MRPL10: variants seen among roughly 807,000 people sequenced by gnomAD.
MRPL10 encodes large ribosomal subunit protein uL10m.
MRPL10 carries 14 observed loss-of-function variants against 19.8 expected under a neutral mutation model. The observed-to-expected ratio is 0.71, with a 90% CI of 0.47 to 1.11. The LOEUF is 1.11. MRPL10 is among the 50% of genes least tolerant of loss of function. The pLI is 0.00. For missense variants in MRPL10, 318 were observed against 339.6 expected, an observed-to-expected ratio of 0.94 and a Z score of 0.50; for synonymous variants, 129 against 139.2, an observed-to-expected ratio of 0.93 and a Z score of 0.52.
rs1429817340 is a variant in MRPL10, at chr17:47,827,310, C to G, written c.223-106G>C. 3 of 949,222 alleles carry G rather than the reference C, an allele frequency of 3.2e-6. No homozygotes were observed. In the African/African-American group the frequency reaches 4.9e-5, roughly 16 times the overall value. 58.8% of individuals were successfully genotyped at this position (949,222 alleles called of 1,614,324 possible). On this transcript the variant is annotated intron_variant, in intron 2 of 4. Transcript: ENST00000351111. ...GGGCTTCCAGTGATGTCCAGATGTG[C>G]AAAAGATCGGGGAACAAGTAGGATA...
At chr17:47,827,002 G>T in intron 3 of MRPL10, 38 bp downstream of exon 3, 10 of 1,577,338 alleles carry the variant, frequency 6.3e-6, no homozygotes, top group Middle Eastern at 1.7e-4. Context: ...GGGGTGGGGG[G>T]AAGATGGGCA....
At chr17:47,829,544 G>C (rs1457912292) in intron 1 of MRPL10, 1 of 152,138 alleles carries the variant, frequency 6.6e-6, no homozygotes, top group Non-Finnish European at 1.5e-5. Flanking sequence ...TGGCTCTCAA[G>C]GTATGCCCCA....
intron 1 of MRPL10, 166 bp downstream of exon 1, chr17:47,831,294 G>T (rs1567951962): frequency 6.6e-7 from 1 of 1,521,280 alleles, no homozygotes; most frequent in East Asian, 2.5e-5. Context: ...ACATCTGGAC[G>T]TTGTTGCTGT....
At chr17:47,825,793 TA>T (rs2033522869) in intron 4 of MRPL10, among the ~76,000 whole-genome samples, 1 of 152,186 alleles carries the variant, frequency 6.6e-6, no homozygotes, top group Admixed American at 6.5e-5. Context: ...ATTTTGTGTG[TA>T]TTTTACAATT....
At chr17:47,824,549 C>T in intron 4 of MRPL10, 91 bp from the exon 5 acceptor site, 1 of 1,447,248 alleles carries the variant, frequency 6.9e-7, no homozygotes, top group Non-Finnish European at 9.1e-7. Flanking sequence ...CTCTCCATTG[C>T]CCTTCTCAAA....
Position 47,831,503 on chromosome 17 carries a change from C to G in MRPL10, c.9G>C (p.Ala3=), listed in dbSNP as rs911368228. MA[A]AVAGMLRGGL... is the part of the protein sequence containing the mutation. ...CCCCTCGCAGCATCCCCGCCACGGC[C>G]GCAGCCATCTCCACCGGAAGAATGG... Residue 3 remains alanine (A), a synonymous_variant, in exon 1 of 5, where the codon GCG becomes GCC. Transcript: ENST00000351111. 29 of 1,550,054 alleles carry G rather than the reference C, an allele frequency of 1.9e-5. No homozygotes were observed. Among genetic ancestry groups the G allele is most frequent in the Non-Finnish European group, 2.3e-5 (26 of 1,146,744 alleles).
At chr17:47,828,341 A>G in intron 2 of MRPL10, 160 bp downstream of exon 2, 1 of 512,398 alleles carries the variant, frequency 2.0e-6, no homozygotes, top group Non-Finnish European at 3.2e-6. Context: ...ATACAGAATC[A>G]AGTGCGGATT....
Position 47,823,754 on chromosome 17 carries a change from A to G in MRPL10, c.*451T>C, listed in dbSNP as rs2143580353. The G allele has an allele frequency of 4.8e-6, 1 of 207,886 alleles. No homozygotes were observed. The highest frequency in any genetic ancestry group is 1.6e-4 in the East Asian group (1 of 6,398). The allele number at this position is 207,886 out of a possible 1,614,324, so 12.9% of individuals were successfully genotyped here. A position where few individuals can be genotyped will look rare whatever the true frequency, so the allele number is the denominator to read the frequency against. ...TGTGGTCAGCAGTAAAGGAACTAATACATGTACAGCACTCAGCACAAAGCC... is the reference window on the plus strand; with the variant it reads ...TGTGGTCAGCAGTAAAGGAACTAATGCATGTACAGCACTCAGCACAAAGCC... On this transcript the variant is annotated 3_prime_UTR_variant, in exon 5 of 5. Coordinates refer to ENST00000351111, the MANE Select transcript of MRPL10 (RefSeq NM_145255.4).
chr17:47,830,629 C>T (rs1374985963), intron 1 of MRPL10, among the ~76,000 whole-genome samples: 1 of 152,156 alleles, frequency 6.6e-6, no homozygotes, highest in Non-Finnish European at 1.5e-5. Context: ...CCTCAGCCTC[C>T]TGAGTAGCGG....
chr17:47,828,505 T>C lies in MRPL10; in HGVS notation c.218A>G (p.Gln73Arg). Reference protein sequence around the residue: ...SCLPSPPSPPQEEIGLIRLLR... With the variant: ...SCLPSPPSPPREEIGLIRLLR... ...TGTACCCAAATTCCTCCTTACCTCC[T>C]GTGGGGGGCTGGGAGGAGATGGCAG... The change falls in exon 2 of 5, where the codon CAG becomes CGG. Residue 73 changes from glutamine to arginine, a missense_variant. Physicochemically the swap from Gln to Arg is conservative, Grantham distance 43. Coordinates refer to ENST00000351111, the MANE Select transcript of MRPL10 (RefSeq NM_145255.4). 1 of 1,425,616 alleles carries C rather than the reference T, an allele frequency of 7.0e-7. No individual in the cohort carries two copies. The highest frequency in any genetic ancestry group is 9.2e-7 in the Non-Finnish European group (1 of 1,085,064). 88.3% of individuals were successfully genotyped at this position (1,425,616 alleles called of 1,614,324 possible).
chr17:47,826,823 G>A lies in MRPL10; in HGVS notation c.388-42C>T, dbSNP rs2033541626. 4 of 1,612,872 alleles carry A rather than the reference G, an allele frequency of 2.5e-6. No homozygotes were observed. The South Asian group carries it at 4.4e-5, about 18-fold the overall frequency. On this transcript the variant is annotated intron_variant, in intron 3 of 4. Transcript: ENST00000351111. The stretch of plus-strand genomic sequence containing the variant: ...AAAATGGCTTATCGGGGACAAGTGG[G>A]AGGAAGAGCTACCTCGTGGGTCATG...
chr17:47,824,422 C>T lies in MRPL10; in HGVS notation c.569G>A (p.Gly190Asp). The T allele has an allele frequency of 1.3e-6, 2 of 1,571,054 alleles. No individual in the cohort carries two copies. Among genetic ancestry groups the T allele is most frequent in the Non-Finnish European group, 1.7e-6 (2 of 1,157,586 alleles). Residue 190 changes from glycine to aspartate, a missense_variant, in exon 5 of 5, where the codon GGC becomes GAC. Gly to Asp is a moderately conservative substitution (Grantham distance 94). Coordinates refer to ENST00000351111, the MANE Select transcript of MRPL10 (RefSeq NM_145255.4). The stretch of plus-strand genomic sequence containing the variant: ...GGGGAGCTTGGAGTAGTTGATAAAG[C>T]CCTGCCTGCTGAGGATGGTGTCATC... ...CIDDTILSRQGFINYSKLPSL... is the reference protein window; with the variant it reads ...CIDDTILSRQDFINYSKLPSL...
At chr17:47,825,999 T>G (rs1475199783) in intron 4 of MRPL10, among the ~76,000 whole-genome samples, 1 of 150,670 alleles carries the variant, frequency 6.6e-6, no homozygotes, top group East Asian at 2.0e-4. Flanking sequence ...AAAAAAAAAT[T>G]AGCTGGGCGT....
chr17:47,827,093 TAAG>T lies in MRPL10; in HGVS notation c.331_333del (p.Leu111del). ...TTGTGTTTCCGCAGCTGGTGTCGCATAAGAAGCTTGTCCTCTGCACTCAGAGCC... is the reference window on the plus strand; with the variant it reads ...TTGTGTTTCCGCAGCTGGTGTCGCATAAGCTTGTCCTCTGCACTCAGAGCC... On this transcript the variant is annotated inframe_deletion, in exon 3 of 5. Coordinates refer to ENST00000351111, the MANE Select transcript of MRPL10 (RefSeq NM_145255.4). 1 of 1,614,084 alleles carries T rather than the reference TAAG, an allele frequency of 6.2e-7. No homozygotes were observed. Among genetic ancestry groups the T allele is most frequent in the Non-Finnish European group, 8.5e-7 (1 of 1,179,978 alleles).
At position 47,826,734 on chromosome 17, in the gene MRPL10, G is replaced by C; in HGVS notation, c.435C>G (p.Pro145=). ...GCAGCATGTTGTGCCCCACAAAAAG[G>C]GGCAGCAGATTTTGGTACTTGGAAT... The part of the protein sequence containing the change: ...LEDSKYQNLL[P]LFVGHNMLLV... The change falls in exon 4 of 5, where the codon CCC becomes CCG. Residue 145 remains proline, a synonymous_variant. Coordinates refer to ENST00000351111, the MANE Select transcript of MRPL10 (RefSeq NM_145255.4). 1 of 1,614,226 alleles carries C rather than the reference G, an allele frequency of 6.2e-7. No individual in the cohort carries two copies. The highest frequency in any genetic ancestry group is 8.5e-7 in the Non-Finnish European group (1 of 1,180,050).
chr17:47,831,482 T>C lies in MRPL10; in HGVS notation c.30A>G (p.Arg10=). 6.5e-7 allele frequency: 1 copy of C among 1,548,600 alleles called. No individual in the cohort carries two copies. The highest frequency in any genetic ancestry group is 8.7e-7 in the Non-Finnish European group (1 of 1,146,660). ...TACCCGCCTGGGGCAGGAGACCCCC[T>C]CGCAGCATCCCCGCCACGGCCGCAG... The part of the protein sequence containing the change: MAAAVAGML[R]GGLLPQAGRL... The change falls in exon 1 of 5, where the codon CGA becomes CGG. Residue 10 remains arginine, a synonymous_variant. Coordinates refer to ENST00000351111, the MANE Select transcript of MRPL10 (RefSeq NM_145255.4).
chr17:47,826,558 G>A lies in MRPL10; in HGVS notation c.532+79C>T, dbSNP rs1237415350. On this transcript the variant is annotated intron_variant, in intron 4 of 4. Coordinates refer to ENST00000351111, the MANE Select transcript of MRPL10 (RefSeq NM_145255.4). ...GGATGCTCTCTCCAAGAACGTTCAC[G>A]GTTTTACCAAGACAAGCCTAGCAGA... 7.7e-6 allele frequency: 12 copies of A among 1,560,424 alleles called. No individual in the cohort carries two copies. In the South Asian group the frequency reaches 8.1e-5, roughly 10 times the overall value.
Position 47,824,085 on chromosome 17 carries a change from T to C in MRPL10, c.*120A>G. On this transcript the variant is annotated 3_prime_UTR_variant, in exon 5 of 5. Transcript: ENST00000351111. ...GCCCTATACCTGACAATATCATTAC[T>C]AGTGAAAACCAAGTGACAAACACAC... The C allele has an allele frequency of 4.7e-6, 6 of 1,268,318 alleles. No individual in the cohort carries two copies. The highest frequency in any genetic ancestry group is 6.7e-6 in the Non-Finnish European group (6 of 890,820). 78.6% of individuals were successfully genotyped at this position (1,268,318 alleles called of 1,614,324 possible).
chr17:47,827,983 T>G (rs767562225), intron 2 of MRPL10, among the ~76,000 whole-genome samples: 1 of 145,752 alleles, frequency 6.9e-6, no homozygotes, highest in Non-Finnish European at 1.5e-5. Flanking sequence ...GGCAGGCAGA[T>G]CACGAGGTCA....
Sources: allele counts gnomAD v4.1 joint callset (sites outside exome capture counted in the v4.1 genomes callset), GRCh38; gene constraint gnomAD v4.1.1; transcripts MANE v1.5; gene names NCBI Gene and HGNC (gene_info 2026-07-23, HGNC 2026-07-21).